The following COG4 variants were observed in gnomAD, a reference collection of about 807,000 sequenced individuals.
COG4 encodes the protein component of oligomeric golgi complex 4, also known as conserved oligomeric Golgi complex subunit 4.
A neutral mutation model predicts 95.1 loss-of-function variants in COG4; 65 were observed. The observed-to-expected ratio is 0.68, with a 90% confidence interval of 0.56 to 0.84. The LOEUF (loss-of-function observed/expected upper bound fraction) is 0.84. Among genes scored for constraint, COG4 ranks in the 40% least tolerant of loss-of-function variants. COG4 has a pLI of 0.00. For missense variants in COG4, 1,045 were observed against 989.1 expected, an observed-to-expected ratio of 1.06 and a Z score of -0.76; for synonymous variants, 421 against 374.8, an observed-to-expected ratio of 1.12 and a Z score of -1.42.
At chr16:70,498,792 C>T (rs1188291938) in intron 9 of COG4, among the ~76,000 whole-genome samples, 1 of 152,192 alleles carries the variant, frequency 6.6e-6, no homozygotes, top group African/African-American at 2.4e-5. Context: ...TACTCCTTTT[C>T]CATTATTCCC....
intron 13 of COG4, among the ~76,000 whole-genome samples, chr16:70,488,871 T>G (rs2049187918): frequency 6.6e-6 from 1 of 152,224 alleles, no homozygotes; most frequent in Non-Finnish European, 1.5e-5. Context: ...TATTTTTAAC[T>G]GTTAATACAA....
chr16:70,520,036 A>T (rs1441485073), intron 1 of COG4, among the ~76,000 whole-genome samples: 2 of 152,160 alleles, frequency 1.3e-5, no homozygotes, highest in African/African-American at 2.4e-5. Flanking sequence ...CCAGCACTGG[A>T]TCCCAAAGTA....
chr16:70,515,619 G>T, intron 3 of COG4, among the ~76,000 whole-genome samples: 1 of 152,128 alleles, frequency 6.6e-6, no homozygotes, highest in Non-Finnish European at 1.5e-5. Flanking sequence ...AGGAGGTGGA[G>T]GTTGCACACG....
At chr16:70,516,688 T>C (rs1435491283) in intron 3 of COG4, among the ~76,000 whole-genome samples, 2 of 152,280 alleles carry the variant, frequency 1.3e-5, no homozygotes, top group East Asian at 3.9e-4. Flanking sequence ...CACATTAGAT[T>C]TCTATTGAAT....
chr16:70,517,587 CAAAAAAA>C lies in COG4; in HGVS notation c.369+32_369+38del, dbSNP rs746781437. 278 of 509,066 alleles carry C rather than the reference CAAAAAAA, an allele frequency of 5.5e-4. No individual in the cohort carries two copies. In the East Asian group the frequency reaches 7.6e-3, roughly 14 times the overall value. The allele number at this position is 509,066 out of a possible 1,614,324, so 31.5% of individuals were successfully genotyped here. A position where few individuals can be genotyped will look rare whatever the true frequency, so the allele number is the denominator to read the frequency against. On this transcript the variant is annotated intron_variant, in intron 3 of 18. Coordinates refer to ENST00000323786, the MANE Select transcript of COG4 (RefSeq NM_015386.3). ...TAGGTGACAGAGCAAGACCCTGTCT[CAAAAAAA>C]AAAAAAAAAAAAAAAAAGCTTGATG...
At chr16:70,482,217 G>C (rs2049013805) in intron 15 of COG4, 42 bp from the exon 16 acceptor site, 1 of 1,245,070 alleles carries the variant, frequency 8.0e-7, no homozygotes, top group African/African-American at 1.5e-5. Context: ...GGCCTCATAA[G>C]AAGTACCATT....
chr16:70,505,025 ATT>A (rs1184925171), intron 8 of COG4, among the ~76,000 whole-genome samples: 1 of 152,122 alleles, frequency 6.6e-6, no homozygotes, highest in Non-Finnish European at 1.5e-5. Context: ...TACAGTTGAC[ATT>A]ACATATGTAT....
At chr16:70,501,728 C>A (rs1477078456) in intron 8 of COG4, 1 of 153,158 alleles carries the variant, frequency 6.5e-6, no homozygotes, top group South Asian at 2.0e-4. Context: ...TCTTGGCTCA[C>A]TGCAACCTCC....
At position 70,480,847 on chromosome 16, in the gene COG4, G is replaced by T; in HGVS notation, c.*163C>A. 1.3e-6 allele frequency: 1 copy of T among 785,430 alleles called. No individual in the cohort carries two copies. The highest frequency in any genetic ancestry group is 2.1e-6 in the Non-Finnish European group (1 of 477,072). The allele number at this position is 785,430 out of a possible 1,614,324, so 48.7% of individuals were successfully genotyped here. On this transcript the variant is annotated 3_prime_UTR_variant, in exon 19 of 19. Coordinates refer to ENST00000323786, the MANE Select transcript of COG4 (RefSeq NM_015386.3). ...CATCACCTGGCCAGGTCTGAGGGCA[G>T]AGCATGGAGTGGGTCCAGACTTTGT...
intron 9 of COG4, among the ~76,000 whole-genome samples, chr16:70,499,312 T>C (rs1251679263): frequency 6.6e-6 from 1 of 152,244 alleles, no homozygotes; most frequent in African/African-American, 2.4e-5. Flanking sequence ...CAGCTCTGAA[T>C]AGTGATAGTC....
intron 2 of COG4, among the ~76,000 whole-genome samples, chr16:70,517,991 C>T (rs907558999): frequency 5.3e-5 from 8 of 151,636 alleles, no homozygotes; most frequent in Non-Finnish European, 7.4e-5. Context: ...AGTGCACTGG[C>T]GCAATCTCAG....
At chr16:70,498,616 T>C (rs1008289845) in intron 9 of COG4, among the ~76,000 whole-genome samples, 2 of 152,162 alleles carry the variant, frequency 1.3e-5, no homozygotes, top group Non-Finnish European at 2.9e-5. Flanking sequence ...TGAGCCACCA[T>C]GCCCGGCCTT....
At position 70,481,400 on chromosome 16, in the gene COG4, C is replaced by A. The variant is rs779582773; in HGVS notation, c.2194G>T (p.Ala732Ser). 3.7e-6 allele frequency: 6 copies of A among 1,613,402 alleles called. No homozygotes were observed. Among genetic ancestry groups the A allele is most frequent in the Non-Finnish European group, 5.1e-6 (6 of 1,179,984 alleles). The part of the protein sequence containing the change: ...VTTWTIRDKF[A>S]RLSQMATILN... ...ATGGTGGCCATCTGGGAGAGCCGGG[C>A]AAACTTGTCTCGGATGGTCCAGGTG... Residue 732 changes from alanine (A) to serine (S), a missense_variant, in exon 18 of 19, where the codon GCC (alanine) becomes TCC (serine). Physicochemically the swap from Ala to Ser is moderately conservative, Grantham distance 99. Coordinates refer to ENST00000323786, the MANE Select transcript of COG4 (RefSeq NM_015386.3).
chr16:70,511,572 G>A (rs188051522), intron 5 of COG4, among the ~76,000 whole-genome samples: 8 of 151,892 alleles, frequency 5.3e-5, no homozygotes, highest in African/African-American at 9.7e-5. Context: ...AAATTGCAAC[G>A]CATGGTGGCA....
At chr16:70,489,591 G>A (rs1231160781) in intron 13 of COG4, among the ~76,000 whole-genome samples, 1 of 149,648 alleles carries the variant, frequency 6.7e-6, no homozygotes, top group Non-Finnish European at 1.5e-5. Context: ...TGCCCAGGCT[G>A]GTCTCAAACT....
Position 70,509,784 on chromosome 16 carries a change from C to T in COG4, c.844+132G>A, listed in dbSNP as rs370456106. The stretch of plus-strand genomic sequence containing the variant: ...CACTGAATCTGGAAGTTATTTAATT[C>T]TCCAATCAATTAATACACAATAAAC... On this transcript the variant is annotated intron_variant, in intron 6 of 18. Transcript: ENST00000323786. The T allele has an allele frequency of 1.4e-5, 10 of 735,668 alleles. No individual in the cohort carries two copies. The East Asian group carries it at 2.4e-4, about 18-fold the overall frequency. The allele number at this position is 735,668 out of a possible 1,614,324, so 45.6% of individuals were successfully genotyped here. A position where few individuals can be genotyped will look rare whatever the true frequency, so the allele number is the denominator to read the frequency against.
chr16:70,504,013 T>TA (rs1491559096), intron 8 of COG4, among the ~76,000 whole-genome samples: 5 of 152,152 alleles, frequency 3.3e-5, no homozygotes, highest in Non-Finnish European at 5.9e-5. Context: ...CTACACTCAG[T>TA]ATATCACAGT....
rs138874791 is a variant in COG4, at chr16:70,508,450, C to T, written c.1017G>A (p.Gln339=). Residue 339 remains glutamine, a synonymous_variant, in exon 8 of 19, where the codon CAG becomes CAA. Coordinates refer to ENST00000323786, the MANE Select transcript of COG4 (RefSeq NM_015386.3). ...RDYHQQFRHV[Q]NNLMRNSTTE... ...TTGTAGAATTTCTCATCAGGTTGTTCTGAACATGCCGGAACTGCAACATAC... is the reference window on the plus strand; with the variant it reads ...TTGTAGAATTTCTCATCAGGTTGTTTTGAACATGCCGGAACTGCAACATAC... The T allele has an allele frequency of 2.4e-3, 3,859 of 1,614,028 alleles. 7 individuals are homozygous for T. Among genetic ancestry groups the T allele is most frequent in the Non-Finnish European group, 2.9e-3 (3,429 of 1,179,924 alleles).
Position 70,496,451 on chromosome 16 carries a change from A to G in COG4, c.1482-20T>C, listed in dbSNP as rs1191943790. 6.2e-7 allele frequency: 1 copy of G among 1,613,826 alleles called. No individual in the cohort carries two copies. Among genetic ancestry groups the G allele is most frequent in the South Asian group, 1.1e-5 (1 of 91,062 alleles). ...ACATCCCTGGGGGGCAGGATTGCAT[A>G]GAGGAATTGACAGTGCTCAACTTGG... On this transcript the variant is annotated intron_variant, in intron 11 of 18. Transcript: ENST00000323786.
Sources: allele counts gnomAD v4.1 joint callset (sites outside exome capture counted in the v4.1 genomes callset), GRCh38; gene constraint gnomAD v4.1.1; transcripts MANE v1.5; gene names NCBI Gene and HGNC (gene_info 2026-07-23, HGNC 2026-07-21).